PHLPP2: variants seen among roughly 807,000 people sequenced by gnomAD.
The protein encoded by PHLPP2 is PH domain and leucine rich repeat protein phosphatase 2.
In PHLPP2, 66 loss-of-function variants were observed where a neutral mutation model predicts 124.9. The ratio of observed to expected loss-of-function variants is 0.53; its 90% CI spans 0.43 to 0.65. PHLPP2 has a LOEUF of 0.65. Among genes scored for constraint, PHLPP2 ranks in the 30% least tolerant of loss-of-function variants. The pLI is 0.00. For missense variants in PHLPP2, 1,685 were observed against 1,600.4 expected (o/e 1.05, Z -0.90); for synonymous variants, 681 against 624.7 (o/e 1.09, Z -1.34).
intron 3 of PHLPP2, among the ~76,000 whole-genome samples, chr16:71,696,034 G>A (rs2045166525): frequency 6.6e-6 from 1 of 151,910 alleles, no homozygotes; most frequent in Non-Finnish European, 1.5e-5. Context: ...AACACCCAAT[G>A]TTTTAAATGC....
chr16:71,667,348 TACAA>T lies in PHLPP2; in HGVS notation c.1629-19_1629-16del, dbSNP rs775247823. The T allele has an allele frequency of 6.3e-7, 1 of 1,598,106 alleles. No homozygotes were observed. Among genetic ancestry groups the T allele is most frequent in the African/African-American group, 1.3e-5 (1 of 74,516 alleles). On this transcript the variant is annotated splice_polypyrimidine_tract_variant and intron_variant, in intron 11 of 18. Transcript: ENST00000568954. Reference sequence around the variant, plus strand: ...TACTCAGAATTCTAAGGGGGGAGCATACAAACAAACACATTAAAAACTTACTTAA... The same window carrying T: ...TACTCAGAATTCTAAGGGGGGAGCATACAAACACATTAAAAACTTACTTAA...
At chr16:71,689,440 T>G (rs2045086725) in intron 4 of PHLPP2, among the ~76,000 whole-genome samples, 1 of 143,472 alleles carries the variant, frequency 7.0e-6, no homozygotes. Context: ...TCTCCCAGGC[T>G]GGGGTGCAAT....
chr16:71,685,552 A>G (rs1380117973), intron 4 of PHLPP2, among the ~76,000 whole-genome samples: 1 of 152,210 alleles, frequency 6.6e-6, no homozygotes, highest in Non-Finnish European at 1.5e-5. Flanking sequence ...AAAGAGAATC[A>G]TATTAAAAAG....
intron 4 of PHLPP2, among the ~76,000 whole-genome samples, chr16:71,689,853 T>C (rs1247096853): frequency 6.6e-6 from 1 of 152,134 alleles, no homozygotes; most frequent in African/African-American, 2.4e-5. Flanking sequence ...TCAATATTGC[T>C]GTGTATTTGG....
At chr16:71,684,769 A>G in intron 4 of PHLPP2, 168 bp from the exon 5 acceptor site, 1 of 580,322 alleles carries the variant, frequency 1.7e-6, no homozygotes, top group Non-Finnish European at 3.0e-6. Context: ...ACACATGAAC[A>G]CACCCAAGGA....
At chr16:71,696,198 T>C (rs2045168308) in intron 3 of PHLPP2, among the ~76,000 whole-genome samples, 1 of 152,194 alleles carries the variant, frequency 6.6e-6, no homozygotes, top group Non-Finnish European at 1.5e-5. Flanking sequence ...AATATGCAAA[T>C]TAACATGAGA....
chr16:71,704,367 A>G (rs2145371154), intron 2 of PHLPP2, among the ~76,000 whole-genome samples: 1 of 151,668 alleles, frequency 6.6e-6, no homozygotes, highest in African/African-American at 2.4e-5. Flanking sequence ...AACATGATGC[A>G]TTTCCCATCA....
At chr16:71,717,370 G>C (rs1427028277) in intron 1 of PHLPP2, among the ~76,000 whole-genome samples, 1 of 152,140 alleles carries the variant, frequency 6.6e-6, no homozygotes, top group Non-Finnish European at 1.5e-5. Flanking sequence ...TTAGAACTCA[G>C]GAAAACTGAT....
chr16:71,663,198 G>A (rs1398688458), intron 13 of PHLPP2, among the ~76,000 whole-genome samples: 13 of 152,286 alleles, frequency 8.5e-5, no homozygotes, highest in Admixed American at 1.3e-4. Flanking sequence ...TGCAACCTCC[G>A]CCTTCTGGGT....
At chr16:71,723,716 T>A in intron 1 of PHLPP2, 1 of 890,654 alleles carries the variant, frequency 1.1e-6, no homozygotes. Flanking sequence ...CCCTCCCTAG[T>A]CCGCTTGCCC....
chr16:71,691,344 C>T (rs2045110632), intron 3 of PHLPP2, among the ~76,000 whole-genome samples: 1 of 151,932 alleles, frequency 6.6e-6, no homozygotes, highest in African/African-American at 2.4e-5. Context: ...ACCTATAGTC[C>T]CAGCTGCTCA....
chr16:71,704,805 A>G (rs950262635), intron 2 of PHLPP2, among the ~76,000 whole-genome samples: 1 of 152,170 alleles, frequency 6.6e-6, no homozygotes, highest in African/African-American at 2.4e-5. Flanking sequence ...TTCCCAGCAC[A>G]ATGGTGGGAT....
intron 13 of PHLPP2, among the ~76,000 whole-genome samples, chr16:71,660,372 CAAAAAAAAAAAA>C (rs1158155665): frequency 7.4e-5 from 2 of 26,992 alleles, no homozygotes; most frequent in Non-Finnish European, 1.3e-4. Context: ...GACCTTGTCT[CAAAAAAAAAAAA>C]AAAAAAAAAA....
chr16:71,706,326 T>C (rs1209040926), intron 2 of PHLPP2, among the ~76,000 whole-genome samples: 4 of 152,226 alleles, frequency 2.6e-5, no homozygotes, highest in Non-Finnish European at 4.4e-5. Context: ...AAGAGTAGTA[T>C]CATTCTGTAT....
chr16:71,722,414 G>A (rs1391450453), intron 1 of PHLPP2, among the ~76,000 whole-genome samples: 1 of 152,056 alleles, frequency 6.6e-6, no homozygotes, highest in Non-Finnish European at 1.5e-5. Context: ...GTGACAGAGT[G>A]AGACCCTGTC....
At position 71,649,488 on chromosome 16, in the gene PHLPP2, G is replaced by T. The variant is rs1298512448; in HGVS notation, c.3374C>A (p.Thr1125Asn). 4.3e-6 allele frequency: 7 copies of T among 1,614,124 alleles called. No individual in the cohort carries two copies. The highest frequency in any genetic ancestry group is 3.3e-5 in the Admixed American group (2 of 60,014). ...AGGCTGGCGCTGAAACAGCCCAGAG[G>T]TGGGTGTTGGGTGGAGGCTGCAGCG... is the stretch of plus-strand genomic sequence containing the variant. ...ERRCSLHPTP[T>N]SGLFQRQPSS... The change falls in exon 19 of 19, where the codon ACC becomes AAC. Residue 1125 changes from threonine to asparagine, a missense_variant. Thr to Asn is a moderately conservative substitution (Grantham distance 65). Coordinates refer to ENST00000568954, the MANE Select transcript of PHLPP2 (RefSeq NM_015020.3).
At chr16:71,664,518 G>A (rs889130869) in intron 12 of PHLPP2, among the ~76,000 whole-genome samples, 4 of 152,154 alleles carry the variant, frequency 2.6e-5, no homozygotes, top group African/African-American at 9.7e-5. Flanking sequence ...GGAGGCTGAG[G>A]TGGGCAGACT....
chr16:71,723,986 G>C, intron 1 of PHLPP2: 1 of 242,588 alleles, frequency 4.1e-6, no homozygotes, highest in Non-Finnish European at 6.7e-6. Flanking sequence ...CCCCTCCGGC[G>C]GCTCGCCAGC....
intron 3 of PHLPP2, among the ~76,000 whole-genome samples, chr16:71,700,503 G>T (rs570560864): frequency 7.2e-6 from 1 of 139,548 alleles, no homozygotes; most frequent in African/African-American, 2.6e-5. Flanking sequence ...TATGGGCTGT[G>T]TTTAGTGACT....
Sources: gnomAD v4.1 joint callset for allele counts (sites outside exome capture counted in the v4.1 genomes callset) on GRCh38, gnomAD v4.1.1 for gene constraint, MANE v1.5 for transcripts, NCBI Gene and HGNC (gene_info 2026-07-23, HGNC 2026-07-21) for gene names.